The following ZNF41 variants were observed in gnomAD, a reference collection of about 807,000 sequenced individuals.
ZNF41 encodes the protein zinc finger protein 41.
Under a neutral mutation model 9.3 loss-of-function variants are expected in ZNF41, and 6 were observed. The ratio of observed to expected loss-of-function variants is 0.65; its 90% CI spans 0.35 to 1.28. The LOEUF is 1.28. Among genes scored for constraint, ZNF41 ranks in the 50% most tolerant of loss-of-function variants. The pLI is 0.03. For missense variants in ZNF41, 523 were observed against 585.8 expected, an observed-to-expected ratio of 0.89 and a Z score of 1.11; for synonymous variants, 192 against 207.1, an observed-to-expected ratio of 0.93 and a Z score of 0.63.
intron 4 of ZNF41, among the ~76,000 whole-genome samples, chrX:47,451,882 A>G (rs768246312): frequency 1.8e-5 from 2 of 112,165 alleles, no homozygotes; most frequent in African/African-American, 6.5e-5. Context: ...TCAAAAATAA[A>G]AAACTCCAAA....
intron 1 of ZNF41, among the ~76,000 whole-genome samples, chrX:47,474,171 G>T (rs1317355039): frequency 8.9e-6 from 1 of 112,519 alleles, no homozygotes; most frequent in Admixed American, 9.4e-5. Flanking sequence ...AACCTGAAAA[G>T]ATCACACACA....
At chrX:47,463,659 G>T (rs1310895262) in intron 2 of ZNF41, among the ~76,000 whole-genome samples, 1 of 111,511 alleles carries the variant, frequency 9.0e-6, no homozygotes. Context: ...CAGGGCCTCT[G>T]GTGGACCCTC....
intron 1 of ZNF41, among the ~76,000 whole-genome samples, chrX:47,481,073 T>C (rs2057459582): frequency 9.0e-6 from 1 of 111,009 alleles, no homozygotes; most frequent in Non-Finnish European, 1.9e-5. Context: ...AATAACCCAG[T>C]GGTAAGAGTG....
chrX:47,465,872 A>G (rs760272501), intron 2 of ZNF41, among the ~76,000 whole-genome samples: 2 of 112,620 alleles, frequency 1.8e-5, no homozygotes, highest in Admixed American at 1.9e-4. Context: ...TATGGACATC[A>G]TAAGTGTATG....
At position 47,467,611 on chromosome X, in the gene ZNF41, G is replaced by T. The variant is rs2057034993; in HGVS notation, c.-130C>A. 1 of 789,776 alleles carries T rather than the reference G, an allele frequency of 1.3e-6. No individual in the cohort carries two copies. The highest frequency in any genetic ancestry group is 1.8e-6 in the Non-Finnish European group (1 of 548,394). 65.1% of individuals were successfully genotyped at this position (789,776 alleles called of 1,213,427 possible). On this transcript the variant is annotated 5_prime_UTR_variant, in exon 2 of 5. Coordinates refer to ENST00000684689, the MANE Select transcript of ZNF41 (RefSeq NM_001324144.2). ...CGAGGCAAGCAGGGGTCAGAAGGAA[G>T]ATCCTGCAGTTTCCACTAAGAAGCC...
chrX:47,458,833 G>T (rs1406393906), intron 2 of ZNF41, among the ~76,000 whole-genome samples: 2 of 105,745 alleles, frequency 1.9e-5, no homozygotes, highest in Non-Finnish European at 3.9e-5. Flanking sequence ...TGTTGCCTAG[G>T]CTGGTCTAGA....
chrX:47,453,942 C>G, intron 4 of ZNF41, among the ~76,000 whole-genome samples: 1 of 110,874 alleles, frequency 9.0e-6, no homozygotes, highest in Non-Finnish European at 1.9e-5. Flanking sequence ...TATGGTGGTG[C>G]ACATCTGTAA....
chrX:47,456,166 G>T (rs1427318484), intron 3 of ZNF41, 106 bp downstream of exon 3: 2 of 1,108,571 alleles, frequency 1.8e-6, no homozygotes, highest in African/African-American at 3.6e-5. Context: ...CTGAATCCCA[G>T]ACAAATCCAG....
Position 47,467,586 on chromosome X carries a change from C to T in ZNF41, c.-105G>A, listed in dbSNP as rs184865926. On this transcript the variant is annotated 5_prime_UTR_variant, in exon 2 of 5. Transcript: ENST00000684689. ...GTGGACTCAACCGGAGCTGCTGGGGCGAGGCAAGCAGGGGTCAGAAGGAAG... is the reference window on the plus strand; with the variant it reads ...GTGGACTCAACCGGAGCTGCTGGGGTGAGGCAAGCAGGGGTCAGAAGGAAG... 45 of 1,004,090 alleles carry T rather than the reference C, an allele frequency of 4.5e-5. No homozygotes were observed. The highest frequency in any genetic ancestry group is 7.9e-5 in the Admixed American group (3 of 37,806). 82.7% of individuals were successfully genotyped at this position (1,004,090 alleles called of 1,213,427 possible). A position where few individuals can be genotyped will look rare whatever the true frequency, so the allele number is the denominator to read the frequency against.
At chrX:47,478,606 CATACT>C (rs777084078) in intron 1 of ZNF41, among the ~76,000 whole-genome samples, 130 of 111,547 alleles carry the variant, frequency 1.2e-3, no homozygotes, top group Non-Finnish European at 2.2e-3. Flanking sequence ...GGTCCTAATA[CATACT>C]ATAACACGGA....
intron 2 of ZNF41, among the ~76,000 whole-genome samples, chrX:47,462,761 T>G (rs2056842287): frequency 9.1e-6 from 1 of 109,650 alleles, no homozygotes; most frequent in African/African-American, 3.3e-5. Context: ...TTTTTCTTCC[T>G]CCCTTCCTGT....
Position 47,448,470 on chromosome X carries a change from T to C in ZNF41, c.1300A>G (p.Thr434Ala). 2.5e-6 allele frequency: 3 copies of C among 1,211,809 alleles called. No homozygotes were observed. The highest frequency in any genetic ancestry group is 3.3e-6 in the Non-Finnish European group (3 of 895,547). ...SALRMHQRIH[T>A]GEKPYVCADC... ...GCGCATACATAAGGTTTCTCTCCCG[T>C]GTGGATTCTCTGATGCATCCTGAGT... Residue 434 changes from threonine to alanine, a missense_variant, in exon 5 of 5, where the codon ACG becomes GCG. Physicochemically the swap from Thr to Ala is moderately conservative, Grantham distance 58. Coordinates refer to ENST00000684689, the MANE Select transcript of ZNF41 (RefSeq NM_001324144.2).
intron 1 of ZNF41, among the ~76,000 whole-genome samples, chrX:47,470,527 C>T (rs1481069576): frequency 9.3e-6 from 1 of 108,023 alleles, no homozygotes; most frequent in Non-Finnish European, 1.9e-5. Context: ...AGGAGTTTGA[C>T]ACCAGCCTGG....
intron 1 of ZNF41, among the ~76,000 whole-genome samples, chrX:47,479,832 C>T: frequency 9.0e-6 from 1 of 111,627 alleles, no homozygotes; most frequent in Non-Finnish European, 1.9e-5. Context: ...TGCGGTGGCT[C>T]ATGCCTGTAA....
chrX:47,451,010 T>C (rs1401983484), intron 4 of ZNF41, among the ~76,000 whole-genome samples: 1 of 112,515 alleles, frequency 8.9e-6, no homozygotes, highest in Non-Finnish European at 1.9e-5. Flanking sequence ...TCTTTCTAAA[T>C]ATTAGCTCTA....
chrX:47,461,825 C>G lies in ZNF41; in HGVS notation c.73-5427G>C, dbSNP rs2056805118. Among the ~76,000 whole-genome samples the G allele has an allele frequency of 3.6e-5, 4 of 111,114 alleles. No individual in the cohort carries two copies. The Admixed American group carries it at 3.9e-4, about 11-fold the overall frequency. ...TGGGCTCAAGGGATCCTTCCCGCCT[C>G]AGCCTCCTTAGTAGCTGAGACTACA... On this transcript the variant is annotated intron_variant, in intron 2 of 4. Coordinates refer to ENST00000684689, the MANE Select transcript of ZNF41 (RefSeq NM_001324144.2).
intron 1 of ZNF41, among the ~76,000 whole-genome samples, chrX:47,476,301 C>T (rs780734168): frequency 9.0e-6 from 1 of 110,978 alleles, no homozygotes; most frequent in Non-Finnish European, 1.9e-5. Context: ...TGCAGTGAGC[C>T]GAGATGGCAC....
chrX:47,451,752 T>G (rs2056377750), intron 4 of ZNF41, among the ~76,000 whole-genome samples: 1 of 112,128 alleles, frequency 8.9e-6, no homozygotes, highest in Non-Finnish European at 1.9e-5. Context: ...GGCATGCACC[T>G]GTAATCCCAG....
chrX:47,448,916 T>C lies in ZNF41; in HGVS notation c.854A>G (p.His285Arg). 2 of 1,211,826 alleles carry C rather than the reference T, an allele frequency of 1.7e-6. No homozygotes were observed. The highest frequency in any genetic ancestry group is 2.2e-6 in the Non-Finnish European group (2 of 895,542). ...ATGAATTCTCTGATGCTCAAACAGA[T>C]GTGACTTCTGAGTGAAGCCCATTAC... ...ECVMGFTQKSHLFEHQRIHAG... is the reference protein window; with the variant it reads ...ECVMGFTQKSRLFEHQRIHAG... Residue 285 changes from histidine (H) to arginine (R), a missense_variant, in exon 5 of 5, where the codon CAT becomes CGT. By Grantham distance (29) the His-to-Arg change is conservative. Transcript: ENST00000684689.
Sources: allele counts gnomAD v4.1 joint callset (sites outside exome capture counted in the v4.1 genomes callset), GRCh38; gene constraint gnomAD v4.1.1; transcripts MANE v1.5; gene names NCBI Gene and HGNC (gene_info 2026-07-23, HGNC 2026-07-21).